The following ROBO2 variants were observed in gnomAD, a reference collection of about 807,000 sequenced individuals.
ROBO2 encodes the protein roundabout guidance receptor 2.
A neutral mutation model predicts 160.8 loss-of-function variants in ROBO2; 53 were observed. The observed-to-expected ratio is 0.33, with a 90% CI of 0.26 to 0.41. The LOEUF is 0.41. Among genes scored for constraint, ROBO2 ranks in the 10% least tolerant of loss-of-function variants. ROBO2 has a pLI of 1.00. For synonymous variants in ROBO2, 664 were observed against 611.7 expected (o/e 1.09, Z -1.26); for missense variants, 1,577 against 1,722.4 (o/e 0.92, Z 1.49).
intron 2 of ROBO2, among the ~76,000 whole-genome samples, chr3:75,982,073 T>C (rs1163268118): frequency 6.6e-6 from 1 of 151,644 alleles, no homozygotes; most frequent in Non-Finnish European, 1.5e-5. Context: ...GATCTCCAGT[T>C]CCATCCATAT....
At chr3:76,082,768 T>C (rs1172799486) in intron 2 of ROBO2, among the ~76,000 whole-genome samples, 4 of 152,136 alleles carry the variant, frequency 2.6e-5, no homozygotes, top group Non-Finnish European at 5.9e-5. Context: ...CACTAGTATG[T>C]CATTTTTTAT....
chr3:76,806,007 G>A lies in ROBO2; in HGVS notation c.110-292007G>A, dbSNP rs1315956735. Among the ~76,000 whole-genome samples, 3 of 151,568 alleles carry A rather than the reference G, an allele frequency of 2.0e-5. No homozygotes were observed. In the East Asian group the frequency reaches 5.8e-4, roughly 29 times the overall value. On this transcript the variant is annotated intron_variant, in intron 2 of 26. Coordinates refer to the ROBO2 transcript ENST00000487694. ...TGTCTGTGTTCTTAATGCATTACAC[G>A]GTTCTGCTTGAAGGTCTGCTTTCCC...
chr3:77,387,044 A>C (rs1451637514), intron 2 of ROBO2, among the ~76,000 whole-genome samples: 1 of 152,068 alleles, frequency 6.6e-6, no homozygotes, highest in African/African-American at 2.4e-5. Flanking sequence ...AGCCGCTCAC[A>C]TTCCCAAATT....
intron 2 of ROBO2, among the ~76,000 whole-genome samples, chr3:77,018,895 T>A (rs866596901): frequency 6.6e-6 from 1 of 151,944 alleles, no homozygotes; most frequent in East Asian, 1.9e-4. Flanking sequence ...GGAGTAAGGG[T>A]AATCTGGCCG....
At chr3:76,638,220 T>G (rs1653727129) in intron 2 of ROBO2, among the ~76,000 whole-genome samples, 1 of 152,148 alleles carries the variant, frequency 6.6e-6, no homozygotes. Flanking sequence ...TTTGTGACTG[T>G]GTGAAATGAA....
intron 2 of ROBO2, among the ~76,000 whole-genome samples, chr3:76,461,345 C>T (rs962145690): frequency 1.3e-5 from 2 of 152,168 alleles, no homozygotes; most frequent in Non-Finnish European, 2.9e-5. Context: ...GGCTCTGCCT[C>T]CAGCACTGGG....
At chr3:75,985,764 C>T (rs2065397453) in intron 2 of ROBO2, among the ~76,000 whole-genome samples, 1 of 151,580 alleles carries the variant, frequency 6.6e-6, no homozygotes, top group Non-Finnish European at 1.5e-5. Flanking sequence ...GTGATTTTGA[C>T]TATTCTAAGA....
chr3:76,132,731 C>T (rs2071276274), intron 2 of ROBO2, among the ~76,000 whole-genome samples: 3 of 152,050 alleles, frequency 2.0e-5, no homozygotes, highest in African/African-American at 7.2e-5. Context: ...TGTCAGTTCT[C>T]TTATGTGAAA....
chr3:76,424,012 G>A (rs9817359), intron 2 of ROBO2, among the ~76,000 whole-genome samples: 15,590 of 152,110 alleles, frequency 0.1, 2,404 homozygotes, highest in African/African-American at 0.33. Flanking sequence ...CCAAAACGTC[G>A]ATGAATCAAG....
intron 2 of ROBO2, among the ~76,000 whole-genome samples, chr3:76,067,893 A>G (rs2068312243): frequency 6.6e-6 from 1 of 152,208 alleles, no homozygotes; most frequent in African/African-American, 2.4e-5. Flanking sequence ...TATGTGATAG[A>G]TAGTAATTTA....
chr3:75,969,160 CAG>C (rs1176403490), intron 2 of ROBO2, among the ~76,000 whole-genome samples: 7 of 148,140 alleles, frequency 4.7e-5, no homozygotes, highest in Non-Finnish European at 7.5e-5. Flanking sequence ...ATTATTATTA[CAG>C]AGTTTATAAG....
At chr3:77,643,687 G>GA (rs1017852250) in intron 24 of ROBO2, among the ~76,000 whole-genome samples, 2 of 152,040 alleles carry the variant, frequency 1.3e-5, no homozygotes, top group African/African-American at 4.8e-5. Context: ...CACAATCTTT[G>GA]AAAAAATGTC....
chr3:76,185,204 A>ATG (rs1359733514), intron 2 of ROBO2, among the ~76,000 whole-genome samples: 4 of 93,362 alleles, frequency 4.3e-5, no homozygotes, highest in Admixed American at 1.1e-4. Context: ...AGATATATAT[A>ATG]TATATATATA....
At chr3:76,477,954 A>G (rs1395054260) in intron 2 of ROBO2, among the ~76,000 whole-genome samples, 2 of 152,004 alleles carry the variant, frequency 1.3e-5, no homozygotes, top group Admixed American at 1.3e-4. Flanking sequence ...TCATTTCTCC[A>G]TTCAAAAAAC....
intron 2 of ROBO2, among the ~76,000 whole-genome samples, chr3:76,636,905 G>T (rs977162840): frequency 2.0e-5 from 3 of 152,188 alleles, no homozygotes; most frequent in East Asian, 3.9e-4. Context: ...ATCAGCCAGG[G>T]TGAGGGGAAG....
intron 2 of ROBO2, among the ~76,000 whole-genome samples, chr3:76,649,149 A>G (rs1192388490): frequency 6.6e-6 from 1 of 152,116 alleles, no homozygotes; most frequent in Non-Finnish European, 1.5e-5. Flanking sequence ...AAGCAGAAAA[A>G]TGTGGCTCAA....
chr3:77,014,579 A>G (rs2062121109), intron 2 of ROBO2, among the ~76,000 whole-genome samples: 1 of 152,214 alleles, frequency 6.6e-6, no homozygotes, highest in South Asian at 2.1e-4. Context: ...CCTCCTGATC[A>G]GTCTCCTGCA....
chr3:77,185,908 C>T (rs2081239074), intron 2 of ROBO2, among the ~76,000 whole-genome samples: 1 of 151,832 alleles, frequency 6.6e-6, no homozygotes, highest in Non-Finnish European at 1.5e-5. Flanking sequence ...GATTATTGTT[C>T]TAAGTGAAGT....
intron 2 of ROBO2, among the ~76,000 whole-genome samples, chr3:77,010,441 G>A (rs1175244985): frequency 6.6e-6 from 1 of 152,052 alleles, no homozygotes. Context: ...AGACATCTCC[G>A]CGTTTATAAT....
Sources: allele counts gnomAD v4.1 joint callset (sites outside exome capture counted in the v4.1 genomes callset), GRCh38; gene constraint gnomAD v4.1.1; transcripts MANE v1.5; gene names NCBI Gene and HGNC (gene_info 2026-07-23, HGNC 2026-07-21).